Variants in FBXO47 observed in about 807,000 individuals in gnomAD.
FBXO47 encodes F-box only protein 47.
A neutral mutation model predicts 53.9 loss-of-function variants in FBXO47; 34 were observed. That is an observed-to-expected ratio of 0.63 (90% CI 0.48 to 0.84). The LOEUF is 0.84. FBXO47 is among the 40% of genes least tolerant of loss of function. FBXO47 has a pLI of 0.00. For synonymous variants in FBXO47, 165 were observed against 181.6 expected (o/e 0.91, Z 0.73); for missense variants, 485 against 541.3 (o/e 0.90, Z 1.03).
intron 9 of FBXO47, among the ~76,000 whole-genome samples, chr17:38,939,325 T>A (rs8072499): frequency 0.07 from 5,032 of 71,946 alleles, 192 homozygotes; most frequent in African/African-American, 0.1. Context: ...AAAAAAAAAA[T>A]ATATATATAT....
intron 9 of FBXO47, among the ~76,000 whole-genome samples, chr17:38,940,144 G>C (rs1904443724): frequency 6.6e-6 from 1 of 151,930 alleles, no homozygotes; most frequent in African/African-American, 2.4e-5. Context: ...AAAGAAATAA[G>C]TGACACAGTA....
intron 3 of FBXO47, among the ~76,000 whole-genome samples, chr17:38,958,318 C>T (rs1247324420): frequency 2.6e-5 from 4 of 151,958 alleles, no homozygotes; most frequent in African/African-American, 9.7e-5. Context: ...AAATTTAAGT[C>T]ATAAGTACTT....
intron 7 of FBXO47, 112 bp downstream of exon 7, chr17:38,944,848 A>ATGTGTGTGTGAGTGTGTGTG: frequency 1.6e-6 from 1 of 615,522 alleles, no homozygotes; most frequent in Non-Finnish European, 2.7e-6. Context: ...GCGTGCATGC[A>ATGTGTGTGTGAGTGTGTGTG]TGTGTGTGTG....
chr17:38,938,588 G>A lies in FBXO47; in HGVS notation c.1228C>T (p.Gln410Ter). 6.2e-7 allele frequency: 1 copy of A among 1,610,770 alleles called. No individual in the cohort carries two copies. Among genetic ancestry groups the A allele is most frequent in the African/African-American group, 1.3e-5 (1 of 74,878 alleles). ...TCCTACTCACCAGACATAATTGATTGCAGCATTTCCATTATAACACATGCA... is the reference window on the plus strand; with the variant it reads ...TCCTACTCACCAGACATAATTGATTACAGCATTTCCATTATAACACATGCA... ...AFACVIMEML[Q>*]SIMSGDRDED... is the part of the protein sequence containing the mutation. Residue 410 changes from glutamine to a stop codon, truncating the protein, a stop_gained, in exon 10 of 11, where the codon CAA becomes TAA. Coordinates refer to ENST00000378079, the MANE Select transcript of FBXO47 (RefSeq NM_001008777.3). LOFTEE classifies it high-confidence loss of function.
intron 6 of FBXO47, among the ~76,000 whole-genome samples, chr17:38,945,400 G>T (rs1211381862): frequency 6.6e-6 from 1 of 152,110 alleles, no homozygotes; most frequent in Non-Finnish European, 1.5e-5. Context: ...AAGCTTACCA[G>T]ACTCTTGTAC....
intron 1 of FBXO47, among the ~76,000 whole-genome samples, chr17:38,966,707 A>G (rs1249619078): frequency 6.6e-6 from 1 of 152,200 alleles, no homozygotes; most frequent in African/African-American, 2.4e-5. Flanking sequence ...AAAAATGATA[A>G]GCCCAAATTC....
intron 1 of FBXO47, among the ~76,000 whole-genome samples, chr17:38,964,459 G>A (rs1308955367): frequency 6.6e-6 from 1 of 152,058 alleles, no homozygotes; most frequent in Non-Finnish European, 1.5e-5. Context: ...AGCCAGGGAT[G>A]GCAGTGTGCA....
At chr17:38,961,248 T>G (rs993677358) in intron 3 of FBXO47, among the ~76,000 whole-genome samples, 1 of 152,230 alleles carries the variant, frequency 6.6e-6, no homozygotes, top group Non-Finnish European at 1.5e-5. Flanking sequence ...TTTGATGAAT[T>G]ATAAAGTGGT....
intron 6 of FBXO47, 51 bp downstream of exon 6, chr17:38,951,529 TA>T: frequency 7.5e-7 from 1 of 1,337,618 alleles, no homozygotes; most frequent in Non-Finnish European, 1.0e-6. Flanking sequence ...AAACTCTGTT[TA>T]TTTTTTCTAT....
chr17:38,951,539 A>T (rs1321547616), intron 6 of FBXO47, 42 bp downstream of exon 6: 1 of 1,394,768 alleles, frequency 7.2e-7, no homozygotes, highest in Non-Finnish European at 9.9e-7. Flanking sequence ...TATTTTTTCT[A>T]TTTTAATCTC....
rs1904817743 is a variant in FBXO47 at position 38,946,322 on chromosome 17, AT to A, written c.617-1187del. On this transcript the variant is annotated intron_variant, in intron 6 of 10. Coordinates refer to ENST00000378079, the MANE Select transcript of FBXO47 (RefSeq NM_001008777.3). The stretch of plus-strand genomic sequence containing the variant: ...AATATATATAAATATATAAATATAT[AT>A]AAATATATAAATATATATAAATATA... 2.0e-5 allele frequency among the ~76,000 whole-genome samples: 2 copies of A among 98,828 alleles called. 1 individual carries two copies. The highest frequency in any genetic ancestry group is 8.9e-5 in the African/African-American group (2 of 22,360). The allele number at this position is 98,828 out of a possible 152,430, so 64.8% of individuals were successfully genotyped here. A position where few individuals can be genotyped will look rare whatever the true frequency, so the allele number is the denominator to read the frequency against.
intron 1 of FBXO47, among the ~76,000 whole-genome samples, chr17:38,964,896 C>A (rs902205542): frequency 3.3e-5 from 5 of 152,142 alleles, no homozygotes; most frequent in African/African-American, 1.2e-4. Context: ...CAGCTCACTG[C>A]AACCTCCCCC....
chr17:38,950,658 A>C (rs1181815201), intron 6 of FBXO47, among the ~76,000 whole-genome samples: 1 of 152,014 alleles, frequency 6.6e-6, no homozygotes, highest in Admixed American at 6.6e-5. Context: ...TCTCAGAGGG[A>C]AACAGCTCGA....
At chr17:38,942,416 A>C (rs1447062559) in intron 9 of FBXO47, among the ~76,000 whole-genome samples, 1 of 152,084 alleles carries the variant, frequency 6.6e-6, no homozygotes, top group Admixed American at 6.6e-5. Flanking sequence ...AGCATAGTGA[A>C]ACCCCGTCTC....
intron 6 of FBXO47, 90 bp downstream of exon 6, chr17:38,951,491 G>T: frequency 2.0e-6 from 2 of 990,004 alleles, no homozygotes; most frequent in Non-Finnish European, 2.9e-6. Flanking sequence ...ACTACACCTG[G>T]CCCAAATTAC....
In FBXO47 at chr17:38,951,660, C is replaced by T. The variant is rs568522529; in HGVS notation, c.537G>A (p.Glu179=). The change falls in exon 6 of 11, where the codon GAG becomes GAA. Residue 179 remains glutamate (E), a synonymous_variant. Transcript: ENST00000378079. ...ATAAGAAATTATAAACGCGATGGCA[C>T]TCAAGTTCATCCCAACCTGCTGTTA... ...QTLTAGWDEL[E]CHRVYNFLCE... 2 of 1,613,856 alleles carry T rather than the reference C, an allele frequency of 1.2e-6. No homozygotes were observed. Among genetic ancestry groups the T allele is most frequent in the East Asian group, 2.2e-5 (1 of 44,880 alleles).
chr17:38,943,684 C>CA lies in FBXO47; in HGVS notation c.845dup (p.Lys283GlufsTer5). 6.2e-7 allele frequency: 1 copy of CA among 1,611,060 alleles called. No individual in the cohort carries two copies. Among genetic ancestry groups the CA allele is most frequent in the South Asian group, 1.1e-5 (1 of 90,480 alleles). ...ACTTAATGGCATCAGCCAAACCTTT[C>CA]AGACTGAATTCATCTGTAGGTTCTT... On this transcript the variant is annotated frameshift_variant, in exon 8 of 11. Transcript: ENST00000378079. LOFTEE classifies it high-confidence loss of function.
intron 5 of FBXO47, among the ~76,000 whole-genome samples, chr17:38,952,731 C>G (rs1041738032): frequency 6.6e-6 from 1 of 151,770 alleles, no homozygotes; most frequent in African/African-American, 2.4e-5. Context: ...ACCCCTTTGA[C>G]CTCCCCTAGT....
chr17:38,954,224 G>A (rs1905444326), intron 5 of FBXO47, among the ~76,000 whole-genome samples: 2 of 152,000 alleles, frequency 1.3e-5, no homozygotes, highest in Non-Finnish European at 2.9e-5. Flanking sequence ...CTTGAACTTA[G>A]GAGGTGGAGG....
Sources: gnomAD v4.1 joint callset for allele counts (sites outside exome capture counted in the v4.1 genomes callset) on GRCh38, gnomAD v4.1.1 for gene constraint, MANE v1.5 for transcripts, NCBI Gene and HGNC (gene_info 2026-07-23, HGNC 2026-07-21) for gene names.